Variants in RAP1GAP2 observed in about 807,000 individuals in gnomAD.
RAP1GAP2 encodes the protein rap1 GTPase-activating protein 2.
In RAP1GAP2, 27 loss-of-function variants were observed where a neutral mutation model predicts 95.0. The ratio of observed to expected loss-of-function variants is 0.28; its 90% CI spans 0.21 to 0.39. The LOEUF is 0.39. RAP1GAP2 is among the 10% of genes least tolerant of loss of function. The pLI is 1.00. For missense variants in RAP1GAP2, 771 were observed against 970.0 expected (o/e 0.79, Z 2.72); for synonymous variants, 373 against 380.9 (o/e 0.98, Z 0.24).
intron 2 of RAP1GAP2, among the ~76,000 whole-genome samples, chr17:2,896,269 T>C (rs1006504042): frequency 2.0e-5 from 3 of 152,158 alleles, no homozygotes; most frequent in Non-Finnish European, 4.4e-5. Context: ...TGCTTGTGAA[T>C]CACACAGACG....
intron 11 of RAP1GAP2, among the ~76,000 whole-genome samples, chr17:2,990,133 A>G (rs1396577106): frequency 4.6e-5 from 7 of 152,206 alleles, no homozygotes; most frequent in African/African-American, 1.4e-4. Flanking sequence ...TTGTCTATCT[A>G]TTCATCAGAT....
Position 2,957,803 on chromosome 17 carries a change from G to T in RAP1GAP2, c.201+9G>T. ...TGCTGGAGAAAATGCAGGTGAGTACGTACCCCCACCGTGGCGGGGAAGAAG... is the reference window on the plus strand; with the variant it reads ...TGCTGGAGAAAATGCAGGTGAGTACTTACCCCCACCGTGGCGGGGAAGAAG... On this transcript the variant is annotated intron_variant, in intron 4 of 24. Transcript: ENST00000254695. 2 of 1,587,472 alleles carry T rather than the reference G, an allele frequency of 1.3e-6. No homozygotes were observed. Among genetic ancestry groups the T allele is most frequent in the Non-Finnish European group, 1.7e-6 (2 of 1,165,344 alleles).
At chr17:2,937,591 G>T (rs1253779199) in intron 3 of RAP1GAP2, among the ~76,000 whole-genome samples, 2 of 152,152 alleles carry the variant, frequency 1.3e-5, no homozygotes, top group East Asian at 3.9e-4. Flanking sequence ...CCTTATCCTG[G>T]GTCCCTTTTT....
chr17:2,895,633 G>A (rs551932748), intron 2 of RAP1GAP2, among the ~76,000 whole-genome samples: 5 of 151,930 alleles, frequency 3.3e-5, no homozygotes, highest in Non-Finnish European at 4.4e-5. Context: ...CTGGAGTGCA[G>A]TGGCGCGATC....
chr17:2,994,359 T>C (rs2045882330), intron 12 of RAP1GAP2, among the ~76,000 whole-genome samples: 1 of 152,172 alleles, frequency 6.6e-6, no homozygotes, highest in Non-Finnish European at 1.5e-5. Flanking sequence ...CTGAAGACTG[T>C]GATCAAAGCT....
At chr17:2,892,392 C>T (rs980896141) in intron 2 of RAP1GAP2, among the ~76,000 whole-genome samples, 2 of 152,126 alleles carry the variant, frequency 1.3e-5, no homozygotes, top group Non-Finnish European at 2.9e-5. Context: ...AGGAATTCAG[C>T]TAGGGCGTGT....
rs2042980033 is a variant in RAP1GAP2, at chr17:2,927,062, T to C, written c.165+21694T>C. ...AGGGCCGCATTCCCTCTGTAGGCTC[T>C]AGGGGACAATCTATCCTCTTGTCTT... On this transcript the variant is annotated intron_variant, in intron 3 of 24. Transcript: ENST00000254695. Among the ~76,000 whole-genome samples the C allele has an allele frequency of 2.0e-5, 3 of 150,474 alleles. No homozygotes were observed. The South Asian group carries it at 6.3e-4, about 32-fold the overall frequency.
At chr17:2,933,864 G>A (rs778260185) in intron 3 of RAP1GAP2, among the ~76,000 whole-genome samples, 20 of 152,258 alleles carry the variant, frequency 1.3e-4, no homozygotes, top group Admixed American at 6.5e-4. Context: ...CAGGAGCTCG[G>A]CCAGCTGACG....
At chr17:3,028,426 G>A (rs2047194581) in intron 22 of RAP1GAP2, among the ~76,000 whole-genome samples, 1 of 152,152 alleles carries the variant, frequency 6.6e-6, no homozygotes, top group African/African-American at 2.4e-5. Context: ...CAGCCCCCTA[G>A]CCACATCAGA....
intron 19 of RAP1GAP2, among the ~76,000 whole-genome samples, chr17:3,024,832 A>G (rs1567909993): frequency 1.3e-5 from 2 of 152,250 alleles, no homozygotes; most frequent in Non-Finnish European, 2.9e-5. Flanking sequence ...ATATGATTCT[A>G]TTTACATGAA....
rs145337732 is a variant in RAP1GAP2, at chr17:2,889,177, G to T, written c.81-16107G>T. 1.1e-4 allele frequency among the ~76,000 whole-genome samples: 17 copies of T among 152,270 alleles called. No homozygotes were observed. The East Asian group carries it at 3.3e-3, about 29-fold the overall frequency. On this transcript the variant is annotated intron_variant, in intron 2 of 24. Coordinates refer to ENST00000254695, the MANE Select transcript of RAP1GAP2 (RefSeq NM_015085.5). ...CTCCGTGCTGTGTTCCATAGTGGCT[G>T]TGCTCACTTACGTTCCCACCAATCG...
chr17:2,842,561 T>TG (rs61295062), intron 2 of RAP1GAP2, among the ~76,000 whole-genome samples: 114,419 of 145,260 alleles, frequency 0.79, 45,832 homozygotes, highest in African/African-American at 0.94. Flanking sequence ...AATACCACTT[T>TG]TACTACCCTC....
At position 2,963,886 on chromosome 17, in the gene RAP1GAP2, G is replaced by A; in HGVS notation, c.310G>A (p.Val104Ile). ...GGAGAAGGGAGGCCCGTACCCTCAG[G>A]TCATCCTGCCACAGTTTGGGGGCTA... ...VVEKGGPYPQ[V>I]ILPQFGGYWI... The change falls in exon 7 of 25, where the codon GTC becomes ATC. Residue 104 changes from valine to isoleucine, a missense_variant. Physicochemically the swap from Val to Ile is conservative, Grantham distance 29. Coordinates refer to ENST00000254695, the MANE Select transcript of RAP1GAP2 (RefSeq NM_015085.5). This position sits in a 1 kb window ranked among gnomAD's most constrained non-coding sequence, Gnocchi z 4.8. 6.2e-7 allele frequency: 1 copy of A among 1,612,272 alleles called. No homozygotes were observed. Among genetic ancestry groups the A allele is most frequent in the Non-Finnish European group, 8.5e-7 (1 of 1,179,286 alleles).
At chr17:2,805,768 G>GTC (rs57222414) in intron 2 of RAP1GAP2, among the ~76,000 whole-genome samples, 2,826 of 151,862 alleles carry the variant, frequency 0.019, 93 homozygotes, top group African/African-American at 0.064. Context: ...GTGTGTGTGT[G>GTC]TGTCTGTCTG....
At chr17:2,859,302 G>A (rs2072276088) in intron 2 of RAP1GAP2, among the ~76,000 whole-genome samples, 1 of 151,474 alleles carries the variant, frequency 6.6e-6, no homozygotes, top group South Asian at 2.1e-4. Flanking sequence ...GTAGAGATGG[G>A]GTTTTACCAT....
intron 3 of RAP1GAP2, among the ~76,000 whole-genome samples, chr17:2,941,418 TA>T (rs1399311545): frequency 4.6e-5 from 7 of 151,314 alleles, no homozygotes; most frequent in Non-Finnish European, 1.0e-4. Flanking sequence ...AAACATAAAT[TA>T]AAAATAAAAT....
At chr17:2,838,207 G>T (rs1216118439) in intron 2 of RAP1GAP2, among the ~76,000 whole-genome samples, 16 of 150,960 alleles carry the variant, frequency 1.1e-4, no homozygotes, top group Admixed American at 1.1e-3. Flanking sequence ...TTTAGTAGAG[G>T]TGGGGTTTCA....
intron 3 of RAP1GAP2, among the ~76,000 whole-genome samples, chr17:2,954,280 A>G (rs2044028855): frequency 6.6e-6 from 1 of 151,274 alleles, no homozygotes; most frequent in Non-Finnish European, 1.5e-5. Flanking sequence ...AATTTTTTGT[A>G]TTTTTAGTAG....
Position 2,904,541 on chromosome 17 carries a change from T to TGTGTGTGTGTGTGTGC in RAP1GAP2, c.81-728_81-727insCGTGTGTGTGTGTGTG. Among the ~76,000 whole-genome samples the TGTGTGTGTGTGTGTGC allele has an allele frequency of 6.6e-6, 1 of 150,444 alleles. No individual in the cohort carries two copies. Among genetic ancestry groups the TGTGTGTGTGTGTGTGC allele is most frequent in the Non-Finnish European group, 1.5e-5 (1 of 67,270 alleles). On this transcript the variant is annotated intron_variant, in intron 2 of 24. Coordinates refer to ENST00000254695, the MANE Select transcript of RAP1GAP2 (RefSeq NM_015085.5). The surrounding 1 kb of genome is among the most constrained non-coding windows in gnomAD (Gnocchi z 4.7). Reference sequence around the variant, plus strand: ...TTTTTGACCAGGGCCTGTGTGTGTGTGTGTGTGTGTGTGTGTGTGTGTGTG... The same window carrying TGTGTGTGTGTGTGTGC: ...TTTTTGACCAGGGCCTGTGTGTGTGTGTGTGTGTGTGTGTGCGTGTGTGTGTGTGTGTGTGTGTGTG...
Sources: allele counts gnomAD v4.1 joint callset (sites outside exome capture counted in the v4.1 genomes callset), GRCh38; gene constraint gnomAD v4.1.1; non-coding constraint Gnocchi (gnomAD v3.1); transcripts MANE v1.5; gene names NCBI Gene and HGNC (gene_info 2026-07-23, HGNC 2026-07-21).